CA8: variants seen among roughly 807,000 people sequenced by gnomAD.
The protein encoded by CA8 is carbonic anhydrase 8 (inactive), also known as carbonic anhydrase-related protein.
CA8 carries 22 observed loss-of-function variants against 41.4 expected under a neutral mutation model. The ratio of observed to expected loss-of-function variants is 0.53; its 90% CI spans 0.38 to 0.76. The LOEUF (loss-of-function observed/expected upper bound fraction) is 0.76, where lower values mean the gene tolerates loss of function less well. CA8 is among the 30% of genes least tolerant of loss of function. CA8 has a pLI of 0.00. For missense variants in CA8, 270 were observed against 352.8 expected (o/e 0.77, Z 1.88); for synonymous variants, 121 against 130.6 (o/e 0.93, Z 0.50).
intron 5 of CA8, among the ~76,000 whole-genome samples, chr8:60,226,198 A>T (rs1807432647): frequency 6.6e-6 from 1 of 152,178 alleles, no homozygotes; most frequent in Non-Finnish European, 1.5e-5. Flanking sequence ...GGGTTAACTC[A>T]GCAAGCCTGA....
intron 2 of CA8, among the ~76,000 whole-genome samples, chr8:60,274,180 A>G (rs757004466): frequency 5.3e-5 from 8 of 151,922 alleles, no homozygotes; most frequent in Non-Finnish European, 1.0e-4. Context: ...TTAAGAAGAC[A>G]GCCCACTGTA....
At chr8:60,256,953 C>T (rs988311264) in intron 3 of CA8, among the ~76,000 whole-genome samples, 6 of 152,072 alleles carry the variant, frequency 3.9e-5, no homozygotes, top group Admixed American at 1.3e-4. Context: ...TTTATAGTAA[C>T]AAAACGTTTT....
intron 4 of CA8, among the ~76,000 whole-genome samples, chr8:60,230,588 T>TCTCCTTCC (rs1221920029): frequency 8.4e-6 from 1 of 119,110 alleles, no homozygotes; most frequent in Non-Finnish European, 1.7e-5. Flanking sequence ...TCCCTTCCCC[T>TCTCCTTCC]CTCCTTCCCT....
At chr8:60,273,545 C>T (rs1804136393) in intron 2 of CA8, among the ~76,000 whole-genome samples, 1 of 152,178 alleles carries the variant, frequency 6.6e-6, no homozygotes, top group African/African-American at 2.4e-5. Flanking sequence ...TGCAGATGCA[C>T]TGCTCATGGG....
Position 60,263,345 on chromosome 8 carries a change from T to C in CA8, c.417+2580A>G, listed in dbSNP as rs564644121. On this transcript the variant is annotated intron_variant, in intron 3 of 8. Transcript: ENST00000317995. ...TTAAAAAAAAAAAAAAAAAAGGTAA[T>C]TCCTGTGTGTTCCATGTAACAGACA... Among the ~76,000 whole-genome samples, 608 of 150,440 alleles carry C rather than the reference T, an allele frequency of 4.0e-3. 5 individuals carry two copies. The highest frequency in any genetic ancestry group is 6.7e-3 in the South Asian group (32 of 4,746).
intron 3 of CA8, among the ~76,000 whole-genome samples, chr8:60,262,916 G>A (rs1803780507): frequency 6.6e-6 from 1 of 151,866 alleles, no homozygotes; most frequent in South Asian, 2.1e-4. Flanking sequence ...ACCATTTAAA[G>A]TCCCAAATTG....
chr8:60,223,154 A>G (rs1807307855), intron 6 of CA8, among the ~76,000 whole-genome samples: 1 of 152,220 alleles, frequency 6.6e-6, no homozygotes, highest in African/African-American at 2.4e-5. Flanking sequence ...AACCAGTGAG[A>G]TAGGTAGTAA....
At chr8:60,222,965 T>C (rs916939449) in intron 6 of CA8, among the ~76,000 whole-genome samples, 1 of 152,244 alleles carries the variant, frequency 6.6e-6, no homozygotes, top group Non-Finnish European at 1.5e-5. Context: ...CTCTATTATT[T>C]ACAGTGATTT....
At chr8:60,225,510 A>AT (rs1303715197) in intron 5 of CA8, among the ~76,000 whole-genome samples, 1 of 152,074 alleles carries the variant, frequency 6.6e-6, no homozygotes, top group Non-Finnish European at 1.5e-5. Context: ...ATGTGCCCTT[A>AT]TTGTCTTTTT....
chr8:60,219,754 A>G (rs1384649311), intron 7 of CA8, among the ~76,000 whole-genome samples: 1 of 151,532 alleles, frequency 6.6e-6, no homozygotes, highest in Admixed American at 6.6e-5. Flanking sequence ...CCCCAAATCC[A>G]CCCTTACTAC....
intron 5 of CA8, 70 bp downstream of exon 5, chr8:60,226,803 G>C (rs752155320): frequency 2.3e-5 from 19 of 837,902 alleles, no homozygotes; most frequent in Non-Finnish European, 3.9e-5. Context: ...ACACAGCATC[G>C]AGCCCGCAGG....
intron 8 of CA8, among the ~76,000 whole-genome samples, chr8:60,197,584 G>C (rs1450933569): frequency 6.6e-6 from 1 of 152,156 alleles, no homozygotes; most frequent in Non-Finnish European, 1.5e-5. Context: ...CTAATTACTG[G>C]TGGAATCTGA....
At chr8:60,255,908 ATTT>A (rs35554184) in intron 3 of CA8, among the ~76,000 whole-genome samples, 4 of 143,336 alleles carry the variant, frequency 2.8e-5, no homozygotes, top group African/African-American at 5.2e-5. Context: ...TACGCTATTA[ATTT>A]TTTTTTTTTT....
intron 8 of CA8, among the ~76,000 whole-genome samples, chr8:60,205,680 G>C (rs1249635502): frequency 6.6e-6 from 1 of 152,022 alleles, no homozygotes; most frequent in Non-Finnish European, 1.5e-5. Flanking sequence ...TTCTTAAATG[G>C]TAATATAAAA....
intron 2 of CA8, 40 bp from the exon 3 acceptor site, chr8:60,266,089 T>C (rs773720367): frequency 1.7e-5 from 27 of 1,600,900 alleles, no homozygotes; most frequent in Admixed American, 6.7e-5. Flanking sequence ...ACAGCACACA[T>C]TTACCTCAGC....
Position 60,238,062 on chromosome 8 carries a change from A to G in CA8, c.418-5683T>C, listed in dbSNP as rs79133734. Among the ~76,000 whole-genome samples, 1,237 of 152,248 alleles carry G rather than the reference A, an allele frequency of 8.1e-3. 17 individuals carry two copies. The highest frequency in any genetic ancestry group is 0.028 in the African/African-American group (1,176 of 41,532). On this transcript the variant is annotated intron_variant, in intron 3 of 8. Transcript: ENST00000317995. ...GGACTCACAACTTCATATTCCCGCA[A>G]CTGATTATGCTGCCTTACCATTAGC...
intron 3 of CA8, among the ~76,000 whole-genome samples, chr8:60,252,403 G>A (rs1808486712): frequency 6.6e-6 from 1 of 152,192 alleles, no homozygotes; most frequent in Non-Finnish European, 1.5e-5. Flanking sequence ...GACTTTAAAT[G>A]GGGATAGAAA....
chr8:60,228,145 A>G (rs1459319869), intron 4 of CA8, among the ~76,000 whole-genome samples: 1 of 152,244 alleles, frequency 6.6e-6, no homozygotes, highest in Non-Finnish European at 1.5e-5. Flanking sequence ...GAGAGGAGAG[A>G]GACAAGAAAC....
At chr8:60,214,881 A>G (rs934356888) in intron 7 of CA8, among the ~76,000 whole-genome samples, 10 of 152,230 alleles carry the variant, frequency 6.6e-5, no homozygotes, top group Non-Finnish European at 1.5e-4. Context: ...ACACATTCAT[A>G]TTCCTTCATT....
Sources: gnomAD v4.1 joint callset for allele counts (sites outside exome capture counted in the v4.1 genomes callset) on GRCh38, gnomAD v4.1.1 for gene constraint, MANE v1.5 for transcripts, NCBI Gene and HGNC (gene_info 2026-07-23, HGNC 2026-07-21) for gene names.